Variants in NIBAN1 observed in about 807,000 individuals in gnomAD.
NIBAN1 encodes niban apoptosis regulator 1.
NIBAN1 carries 81 observed loss-of-function variants against 75.1 expected under a neutral mutation model. The ratio of observed to expected loss-of-function variants is 1.08; its 90% CI spans 0.90 to 1.30. The LOEUF (loss-of-function observed/expected upper bound fraction) is 1.30. NIBAN1 is among the 50% of genes most tolerant of loss of function. The pLI is 0.00. For synonymous variants in NIBAN1, 436 were observed against 424.8 expected, an observed-to-expected ratio of 1.03 and a Z score of -0.32; for missense variants, 1,133 against 1,128.1, an observed-to-expected ratio of 1.00 and a Z score of -0.06.
chr1:184,800,137 G>A (rs1467790614), intron 12 of NIBAN1, among the ~76,000 whole-genome samples: 29 of 147,604 alleles, frequency 2.0e-4, no homozygotes, highest in African/African-American at 3.0e-4. Context: ...ATTTTTTCAT[G>A]TGTTTTTTGG....
At chr1:184,842,391 A>G in intron 5 of NIBAN1, among the ~76,000 whole-genome samples, 1 of 152,232 alleles carries the variant, frequency 6.6e-6, no homozygotes, top group East Asian at 1.9e-4. Flanking sequence ...CTGATGCTAC[A>G]GGTCCAGGAA....
At chr1:184,859,939 A>G (rs1341811272) in intron 5 of NIBAN1, among the ~76,000 whole-genome samples, 1 of 151,970 alleles carries the variant, frequency 6.6e-6, no homozygotes, top group African/African-American at 2.4e-5. Context: ...ACAACCAAGC[A>G]CTCCTGCAAG....
chr1:184,807,939 C>T (rs1654251644), intron 10 of NIBAN1, 135 bp downstream of exon 10: 1 of 943,864 alleles, frequency 1.1e-6, no homozygotes, highest in Non-Finnish European at 1.7e-6. Flanking sequence ...CAGAACGTGT[C>T]CTCCCGCAAC....
chr1:184,799,475 C>T (rs1296078446), intron 12 of NIBAN1, among the ~76,000 whole-genome samples: 1 of 149,962 alleles, frequency 6.7e-6, no homozygotes, highest in Non-Finnish European at 1.5e-5. Flanking sequence ...CAAGACTTTG[C>T]TATTGTGAAT....
chr1:184,800,836 T>C (rs1654018805), intron 12 of NIBAN1, among the ~76,000 whole-genome samples: 3 of 152,192 alleles, frequency 2.0e-5, no homozygotes, highest in Non-Finnish European at 1.5e-5. Flanking sequence ...ATGCTTAACT[T>C]TATCAGAATG....
At chr1:184,877,537 C>T (rs953844683) in intron 5 of NIBAN1, among the ~76,000 whole-genome samples, 6 of 152,082 alleles carry the variant, frequency 3.9e-5, no homozygotes, top group Admixed American at 1.3e-4. Context: ...GATTCCCTCC[C>T]GTATCACGTT....
chr1:184,899,326 A>G lies in NIBAN1; in HGVS notation c.56-17T>C. The G allele has an allele frequency of 1.9e-6, 3 of 1,613,096 alleles. No individual in the cohort carries two copies. Among genetic ancestry groups the G allele is most frequent in the Middle Eastern group, 3.3e-4 (2 of 6,056 alleles). Reference sequence around the variant, plus strand: ...CAGTTTTCCCTAGAAAAATATGAAAATTAGAATTCTTAAGTATAGCACAGA... The same window carrying G: ...CAGTTTTCCCTAGAAAAATATGAAAGTTAGAATTCTTAAGTATAGCACAGA... On this transcript the variant is annotated splice_polypyrimidine_tract_variant and intron_variant, in intron 1 of 13. Transcript: ENST00000367511.
rs187222668 is a variant in NIBAN1 at position 184,813,648 on chromosome 1, A to T, written c.1173+4990T>A. On this transcript the variant is annotated intron_variant, in intron 9 of 13. Transcript: ENST00000367511. ...GTTTAAAAAGAGGGATGTTTAAGCA[A>T]GTCAGAAAGTCTAAACATGTCGTAC... Among the ~76,000 whole-genome samples the T allele has an allele frequency of 2.0e-3, 302 of 152,374 alleles. 3 individuals are homozygous for T. Among genetic ancestry groups the T allele is most frequent in the African/African-American group, 7.1e-3 (294 of 41,582 alleles).
At chr1:184,803,448 C>T in intron 12 of NIBAN1, 137 bp downstream of exon 12, 1 of 651,000 alleles carries the variant, frequency 1.5e-6, no homozygotes, top group Non-Finnish European at 2.7e-6. Context: ...AAAATATTTA[C>T]TATCTGACCA....
intron 1 of NIBAN1, among the ~76,000 whole-genome samples, chr1:184,933,507 A>G (rs1380814044): frequency 6.6e-6 from 1 of 152,210 alleles, no homozygotes; most frequent in African/African-American, 2.4e-5. Context: ...AGTGCTGGGC[A>G]CTTTCACATG....
rs1011984670 is a variant in NIBAN1 at position 184,794,623 on chromosome 1, A to T, written c.*354T>A. 1 of 368,464 alleles carries T rather than the reference A, an allele frequency of 2.7e-6. No individual in the cohort carries two copies. Among genetic ancestry groups the T allele is most frequent in the East Asian group, 6.9e-5 (1 of 14,390 alleles). The allele number at this position is 368,464 out of a possible 1,614,324, so 22.8% of individuals were successfully genotyped here. ...AAAAAGCCTTAAAGTGCACAAGAAG[A>T]TTGCACAATTGAAAAGTGCAGAGTA... On this transcript the variant is annotated 3_prime_UTR_variant, in exon 14 of 14. Coordinates refer to ENST00000367511, the MANE Select transcript of NIBAN1 (RefSeq NM_052966.4).
chr1:184,804,103 G>T (rs559157051), intron 11 of NIBAN1, among the ~76,000 whole-genome samples: 48 of 152,290 alleles, frequency 3.2e-4, no homozygotes, highest in African/African-American at 9.9e-4. Context: ...GGAAGAGAAG[G>T]CCTGGCTAGT....
chr1:184,939,013 A>C (rs1658027208), intron 1 of NIBAN1, among the ~76,000 whole-genome samples: 1 of 152,232 alleles, frequency 6.6e-6, no homozygotes, highest in Non-Finnish European at 1.5e-5. Flanking sequence ...ATTGATTACC[A>C]TTCCATCTGG....
At chr1:184,798,395 C>T (rs1340134379) in intron 12 of NIBAN1, among the ~76,000 whole-genome samples, 1 of 152,194 alleles carries the variant, frequency 6.6e-6, no homozygotes, top group Non-Finnish European at 1.5e-5. Context: ...GGCACCATGC[C>T]TGACCTCGAC....
intron 1 of NIBAN1, among the ~76,000 whole-genome samples, chr1:184,964,006 C>T (rs1487822478): frequency 2.0e-5 from 3 of 151,028 alleles, no homozygotes; most frequent in Non-Finnish European, 4.4e-5. Context: ...ATAACTAAAT[C>T]GGTGTTATAC....
At position 184,841,263 on chromosome 1, in the gene NIBAN1, GA is replaced by G. The variant is rs944875407; in HGVS notation, c.602-9302del. ...AATGAATAAAGGTACGAAGTTTGAA[GA>G]AAAAAAACCCCAAACCCTGGGGTTT... is the stretch of plus-strand genomic sequence containing the variant. On this transcript the variant is annotated intron_variant, in intron 5 of 13. Coordinates refer to ENST00000367511, the MANE Select transcript of NIBAN1 (RefSeq NM_052966.4). 9.2e-5 allele frequency among the ~76,000 whole-genome samples: 14 copies of G among 151,988 alleles called. No homozygotes were observed. In the East Asian group the frequency reaches 1.2e-3, roughly 13 times the overall value.
At chr1:184,921,445 T>A (rs1327027905) in intron 1 of NIBAN1, among the ~76,000 whole-genome samples, 1 of 152,108 alleles carries the variant, frequency 6.6e-6, no homozygotes. Context: ...GAAGAAAGAC[T>A]GGAAGAAAAT....
chr1:184,969,152 T>C (rs1658871770), intron 1 of NIBAN1, among the ~76,000 whole-genome samples: 1 of 152,238 alleles, frequency 6.6e-6, no homozygotes, highest in African/African-American at 2.4e-5. Context: ...TGTGGACAGC[T>C]AAAATTTGGG....
At chr1:184,855,404 T>C (rs1488212754) in intron 5 of NIBAN1, among the ~76,000 whole-genome samples, 1 of 152,202 alleles carries the variant, frequency 6.6e-6, no homozygotes, top group Non-Finnish European at 1.5e-5. Flanking sequence ...AGCTGAATGA[T>C]ACAATTATTG....
Sources: allele counts gnomAD v4.1 joint callset (sites outside exome capture counted in the v4.1 genomes callset), GRCh38; gene constraint gnomAD v4.1.1; transcripts MANE v1.5; gene names NCBI Gene and HGNC (gene_info 2026-07-23, HGNC 2026-07-21).